Variants in EPB41L4A observed in about 807,000 individuals in gnomAD.
The protein encoded by EPB41L4A is erythrocyte membrane protein band 4.1 like 4A.
Under a neutral mutation model 108.6 loss-of-function variants are expected in EPB41L4A, and 100 were observed. That is an observed-to-expected ratio of 0.92 (90% CI 0.78 to 1.09). The LOEUF (loss-of-function observed/expected upper bound fraction) is 1.09, where lower values mean the gene tolerates loss of function less well. EPB41L4A is among the 50% of genes least tolerant of loss of function. The pLI, the probability that EPB41L4A is intolerant of heterozygous loss-of-function variation, is 0.00. For synonymous variants in EPB41L4A, 319 were observed against 289.0 expected (o/e 1.10, Z -1.05); for missense variants, 1,030 against 842.7 (o/e 1.22, Z -2.75).
At chr5:112,294,742 G>A (rs766498784) in intron 2 of EPB41L4A, among the ~76,000 whole-genome samples, 25 of 151,626 alleles carry the variant, frequency 1.6e-4, no homozygotes, top group Middle Eastern at 6.8e-3. Flanking sequence ...GTGGAGCTAC[G>A]GCGTACCTGA....
intron 1 of EPB41L4A, among the ~76,000 whole-genome samples, chr5:112,418,490 A>C (rs1390151368): frequency 1.3e-5 from 2 of 152,054 alleles, no homozygotes; most frequent in African/African-American, 4.8e-5. Context: ...AATCACAATG[A>C]CCCATTAATG....
At chr5:112,342,780 A>G (rs1757399307) in intron 1 of EPB41L4A, among the ~76,000 whole-genome samples, 1 of 152,174 alleles carries the variant, frequency 6.6e-6, no homozygotes, top group African/African-American at 2.4e-5. Flanking sequence ...ACTGGCATAC[A>G]AAGTAAGAAA....
At chr5:112,205,392 T>A (rs1762424185) in intron 14 of EPB41L4A, 29 bp downstream of exon 14, 1 of 1,575,162 alleles carries the variant, frequency 6.3e-7, no homozygotes, top group African/African-American at 1.3e-5. Context: ...TTCTACTGTC[T>A]CCTTTATAAA....
chr5:112,293,180 C>T (rs1485443469), intron 2 of EPB41L4A, among the ~76,000 whole-genome samples: 1 of 151,536 alleles, frequency 6.6e-6, no homozygotes, highest in Admixed American at 6.6e-5. Context: ...GTACTTTGTA[C>T]CTTTATTGTT....
At chr5:112,211,032 C>T (rs550111338) in intron 12 of EPB41L4A, among the ~76,000 whole-genome samples, 8 of 151,922 alleles carry the variant, frequency 5.3e-5, no homozygotes, top group South Asian at 2.1e-4. Flanking sequence ...CTATTACAAG[C>T]GCTTCACATC....
chr5:112,369,191 A>G (rs1041341215), intron 1 of EPB41L4A, among the ~76,000 whole-genome samples: 2 of 152,166 alleles, frequency 1.3e-5, no homozygotes, highest in Non-Finnish European at 2.9e-5. Context: ...ACATCCAGTC[A>G]TTACCAAACC....
At chr5:112,370,637 G>A (rs530116057) in intron 1 of EPB41L4A, among the ~76,000 whole-genome samples, 36 of 152,296 alleles carry the variant, frequency 2.4e-4, no homozygotes, top group African/African-American at 7.7e-4. Flanking sequence ...TAACGAGGCC[G>A]GACACGGTGG....
intron 9 of EPB41L4A, among the ~76,000 whole-genome samples, chr5:112,243,291 A>ATT (rs35660232): frequency 1.3e-5 from 2 of 148,524 alleles, no homozygotes; most frequent in Admixed American, 1.3e-4. Context: ...ATATATATAT[A>ATT]TTTTGTTTGT....
intron 12 of EPB41L4A, among the ~76,000 whole-genome samples, chr5:112,147,203 T>A (rs1216232212): frequency 1.3e-5 from 2 of 152,234 alleles, no homozygotes; most frequent in Admixed American, 1.3e-4. Flanking sequence ...AGTATCTCTG[T>A]CATTGACAAG....
At chr5:112,305,425 C>A (rs1754623505) in intron 2 of EPB41L4A, among the ~76,000 whole-genome samples, 1 of 152,080 alleles carries the variant, frequency 6.6e-6, no homozygotes, top group African/African-American at 2.4e-5. Flanking sequence ...TTCATGAAAA[C>A]CATTTGGTTT....
At chr5:112,263,267 AGG>A (rs776313593) in intron 6 of EPB41L4A, 1 of 152,146 alleles carries the variant, frequency 6.6e-6, no homozygotes, top group South Asian at 2.1e-4. Context: ...AGAGAGAGAG[AGG>A]GATTGAGATT....
At chr5:112,341,702 A>C (rs1757327282) in intron 1 of EPB41L4A, among the ~76,000 whole-genome samples, 1 of 152,066 alleles carries the variant, frequency 6.6e-6, no homozygotes, top group South Asian at 2.1e-4. Context: ...ACTTGAGTCT[A>C]GAAGTTCAAG....
At chr5:112,289,014 T>C (rs1196815777) in intron 2 of EPB41L4A, among the ~76,000 whole-genome samples, 2 of 152,120 alleles carry the variant, frequency 1.3e-5, no homozygotes, top group African/African-American at 4.8e-5. Flanking sequence ...AGAATATAAA[T>C]AATTTTTGGT....
chr5:112,278,197 C>T (rs1173812387), intron 3 of EPB41L4A, among the ~76,000 whole-genome samples: 1 of 152,106 alleles, frequency 6.6e-6, no homozygotes, highest in Non-Finnish European at 1.5e-5. Flanking sequence ...AAGGATTCTT[C>T]AGTCACTAAC....
chr5:112,309,548 T>C (rs1754913987), intron 1 of EPB41L4A, among the ~76,000 whole-genome samples: 2 of 152,184 alleles, frequency 1.3e-5, no homozygotes, highest in African/African-American at 4.8e-5. Context: ...ACACTTTTGA[T>C]GTGGGTCTTA....
chr5:112,154,720 C>T (rs923969554), intron 12 of EPB41L4A, among the ~76,000 whole-genome samples: 10 of 152,092 alleles, frequency 6.6e-5, no homozygotes, highest in African/African-American at 2.4e-4. Flanking sequence ...ACTTAATTAA[C>T]AAATGTGGAG....
chr5:112,222,345 G>A (rs1224227824), intron 12 of EPB41L4A, among the ~76,000 whole-genome samples: 1 of 152,160 alleles, frequency 6.6e-6, no homozygotes, highest in Non-Finnish European at 1.5e-5. Flanking sequence ...TTAGGATCCT[G>A]GCTTTGCGCT....
At chr5:112,253,195 G>C (rs547251401) in intron 9 of EPB41L4A, among the ~76,000 whole-genome samples, 1 of 152,264 alleles carries the variant, frequency 6.6e-6, no homozygotes, top group Admixed American at 6.5e-5. Flanking sequence ...AGGCAACACT[G>C]TAATGAGTGA....
intron 12 of EPB41L4A, among the ~76,000 whole-genome samples, chr5:112,221,907 G>T (rs977023839): frequency 6.6e-6 from 1 of 152,072 alleles, no homozygotes; most frequent in African/African-American, 2.4e-5. Context: ...AACCAGACTC[G>T]CCATACATTA....
Sources: allele counts gnomAD v4.1 joint callset (sites outside exome capture counted in the v4.1 genomes callset), GRCh38; gene constraint gnomAD v4.1.1; transcripts MANE v1.5; gene names NCBI Gene and HGNC (gene_info 2026-07-23, HGNC 2026-07-21).